The following PTPRZ1 variants were observed in gnomAD, a reference collection of about 807,000 sequenced individuals.
PTPRZ1 encodes the protein receptor-type tyrosine-protein phosphatase zeta.
PTPRZ1 carries 82 observed loss-of-function variants against 214.1 expected under a neutral mutation model. That is an observed-to-expected ratio of 0.38 (90% CI 0.32 to 0.46). The LOEUF is 0.46. Among genes scored for constraint, PTPRZ1 ranks in the 20% least tolerant of loss-of-function variants. The probability of loss-of-function intolerance (pLI) is 1.00; values close to 1 mark genes in which losing one functional copy is unlikely to be tolerated. For missense variants in PTPRZ1, 2,603 were observed against 2,748.7 expected, an observed-to-expected ratio of 0.95 and a Z score of 1.19; for synonymous variants, 945 against 987.9, an observed-to-expected ratio of 0.96 and a Z score of 0.81.
At chr7:121,885,715 A>T (rs1407352034) in intron 1 of PTPRZ1, among the ~76,000 whole-genome samples, 1 of 152,222 alleles carries the variant, frequency 6.6e-6, no homozygotes, top group Non-Finnish European at 1.5e-5. Flanking sequence ...CAAAATGCCC[A>T]TAAGAAAGTA....
chr7:121,965,236 T>G (rs1214915318), intron 2 of PTPRZ1, among the ~76,000 whole-genome samples: 1 of 152,142 alleles, frequency 6.6e-6, no homozygotes, highest in Non-Finnish European at 1.5e-5. Context: ...GTCTCACAAA[T>G]CTGAAATTAA....
rs1178911410 is a variant in PTPRZ1, at chr7:122,043,910, TTAAAA to T, written c.5938-507_5938-503del. Reference sequence around the variant, plus strand: ...CAAACCTGCACATGTACCCCTGAACTTAAAATAAACATTAAAAAATAACATTCTGG... The same window carrying T: ...CAAACCTGCACATGTACCCCTGAACTTAAACATTAAAAAATAACATTCTGG... On this transcript the variant is annotated intron_variant, in intron 22 of 29. Coordinates refer to ENST00000393386, the MANE Select transcript of PTPRZ1 (RefSeq NM_002851.3). Among the ~76,000 whole-genome samples, 4 of 152,186 alleles carry T rather than the reference TTAAAA, an allele frequency of 2.6e-5. No individual in the cohort carries two copies. In the East Asian group the frequency reaches 7.7e-4, roughly 29 times the overall value.
chr7:122,049,015 T>C (rs552338620), intron 23 of PTPRZ1, among the ~76,000 whole-genome samples: 140 of 151,996 alleles, frequency 9.2e-4, no homozygotes, highest in African/African-American at 3.3e-3. Flanking sequence ...GCAAGTAGAG[T>C]TTATAGGGTT....
At chr7:121,894,507 G>C (rs1198068529) in intron 1 of PTPRZ1, among the ~76,000 whole-genome samples, 3 of 152,140 alleles carry the variant, frequency 2.0e-5, no homozygotes, top group Non-Finnish European at 4.4e-5. Flanking sequence ...CCGGGCTCAA[G>C]TGATCCTCCC....
At chr7:122,060,095 A>G (rs1033792967) in intron 29 of PTPRZ1, among the ~76,000 whole-genome samples, 5 of 152,194 alleles carry the variant, frequency 3.3e-5, no homozygotes, top group Admixed American at 1.3e-4. Flanking sequence ...AAACTTTTAA[A>G]TCTCATGTTT....
At chr7:121,943,972 A>G (rs1563029777) in intron 2 of PTPRZ1, among the ~76,000 whole-genome samples, 1 of 152,246 alleles carries the variant, frequency 6.6e-6, no homozygotes, top group Non-Finnish European at 1.5e-5. Context: ...TGGATGAGGT[A>G]TATTGACATT....
intron 1 of PTPRZ1, among the ~76,000 whole-genome samples, chr7:121,912,921 A>G (rs1795319961): frequency 6.6e-6 from 1 of 152,122 alleles, no homozygotes; most frequent in Non-Finnish European, 1.5e-5. Context: ...TAAATGAATT[A>G]TGGGTGTCAG....
At chr7:122,054,173 C>A in intron 26 of PTPRZ1, 135 bp downstream of exon 26, 1 of 944,584 alleles carries the variant, frequency 1.1e-6, no homozygotes, top group Non-Finnish European at 1.5e-6. Flanking sequence ...AAGGCATACT[C>A]TTCTGCTGTT....
intron 1 of PTPRZ1, among the ~76,000 whole-genome samples, chr7:121,879,577 T>G (rs923040610): frequency 6.6e-6 from 1 of 152,170 alleles, no homozygotes; most frequent in Non-Finnish European, 1.5e-5. Flanking sequence ...GTCAATAGTT[T>G]TATCATTAAT....
At chr7:121,960,434 G>T (rs1360068492) in intron 2 of PTPRZ1, among the ~76,000 whole-genome samples, 1 of 152,014 alleles carries the variant, frequency 6.6e-6, no homozygotes, top group Non-Finnish European at 1.5e-5. Flanking sequence ...ACAATATCTT[G>T]ATCTTTAAAG....
rs761116781 is a variant in PTPRZ1 at position 121,983,956 on chromosome 7, C to CT, written c.778-4dup. On this transcript the variant is annotated splice_polypyrimidine_tract_variant and intron_variant, in intron 7 of 29. Transcript: ENST00000393386. ...AAGCAGATATGTTAAATTATTTGATCTTTTTTTCAGTTGGCTGTTTTTTGT... is the reference window on the plus strand; with the variant it reads ...AAGCAGATATGTTAAATTATTTGATCTTTTTTTTCAGTTGGCTGTTTTTTGT... 1.9e-5 allele frequency: 31 copies of CT among 1,609,232 alleles called. No homozygotes were observed. The African/African-American group carries it at 2.0e-4, about 10-fold the overall frequency.
chr7:121,892,290 A>T (rs1349568867), intron 1 of PTPRZ1, among the ~76,000 whole-genome samples: 5 of 152,150 alleles, frequency 3.3e-5, no homozygotes, highest in Non-Finnish European at 7.3e-5. Flanking sequence ...CTTACAAAAC[A>T]TATGGTCCCT....
rs138965004 is a variant in PTPRZ1 at position 121,875,306 on chromosome 7, T to C, written c.58+1749T>C. 4.6e-3 allele frequency among the ~76,000 whole-genome samples: 697 copies of C among 152,344 alleles called. 5 individuals are homozygous for C. Among genetic ancestry groups the C allele is most frequent in the African/African-American group, 0.016 (673 of 41,582 alleles). On this transcript the variant is annotated intron_variant, in intron 1 of 29. Transcript: ENST00000393386. Reference sequence around the variant, plus strand: ...CATATAAATAGAATCATGCAACTTGTGGCCTTTTCTGTCTGTCTTTGTTCA... The same window carrying C: ...CATATAAATAGAATCATGCAACTTGCGGCCTTTTCTGTCTGTCTTTGTTCA...
intron 1 of PTPRZ1, among the ~76,000 whole-genome samples, chr7:121,880,161 T>A (rs1794193287): frequency 6.6e-6 from 1 of 152,212 alleles, no homozygotes; most frequent in South Asian, 2.1e-4. Flanking sequence ...TTTCCCCTTC[T>A]GATATTTGCC....
Position 122,036,682 on chromosome 7 carries a change from T to G in PTPRZ1, c.5367T>G (p.Asp1789Glu), listed in dbSNP as rs771816158. ...LTDYINANYV[D>E]GYNRPKAYIA... Reference sequence around the variant, plus strand: ...ATTATATCAATGCCAATTATGTTGATGTAAGCATGTTTTAATTGAAAATTT... The same window carrying G: ...ATTATATCAATGCCAATTATGTTGAGGTAAGCATGTTTTAATTGAAAATTT... The change falls in exon 18 of 30, where the codon GAT becomes GAG. Residue 1789 changes from aspartate to glutamate, a missense_variant and splice_region_variant. Asp to Glu is a conservative substitution (Grantham distance 45). Around this residue, in one of 6 missense-constraint regions of PTPRZ1, gnomAD observed 1,913 missense variants for 1,914.3 expected, o/e 1.00. Coordinates refer to ENST00000393386, the MANE Select transcript of PTPRZ1 (RefSeq NM_002851.3). 16 of 1,590,544 alleles carry G rather than the reference T, an allele frequency of 1.0e-5. No individual in the cohort carries two copies. Among genetic ancestry groups the G allele is most frequent in the Non-Finnish European group, 1.3e-5 (15 of 1,159,178 alleles).
At chr7:122,008,249 A>G (rs1229319299) in intron 11 of PTPRZ1, among the ~76,000 whole-genome samples, 2 of 152,154 alleles carry the variant, frequency 1.3e-5, no homozygotes, top group African/African-American at 4.8e-5. Context: ...AATGGATGAC[A>G]TATCTTTGGG....
rs368909644 is a variant in PTPRZ1 at position 122,012,089 on chromosome 7, G to A, written c.3043G>A (p.Ala1015Thr). 5 of 1,614,098 alleles carry A rather than the reference G, an allele frequency of 3.1e-6. No individual in the cohort carries two copies. Among genetic ancestry groups the A allele is most frequent in the African/African-American group, 2.7e-5 (2 of 75,050 alleles). The change falls in exon 12 of 30, where the codon GCC (alanine) becomes ACC (threonine). Residue 1015 changes from alanine (A) to threonine (T), a missense_variant. By Grantham distance (58) the Ala-to-Thr change is moderately conservative. Transcript: ENST00000393386. Reference protein sequence around the residue: ...FLLPDTDGLTALNISSPVSVA... With the variant: ...FLLPDTDGLTTLNISSPVSVA... The stretch of plus-strand genomic sequence containing the variant: ...TTTACCTGACACAGATGGGCTGACA[G>A]CCCTTAACATTTCTTCACCTGTTTC...
Position 121,952,210 on chromosome 7 carries a change from G to A in PTPRZ1, c.125-15741G>A, listed in dbSNP as rs564080742. On this transcript the variant is annotated intron_variant, in intron 2 of 29. Coordinates refer to ENST00000393386, the MANE Select transcript of PTPRZ1 (RefSeq NM_002851.3). Reference sequence around the variant, plus strand: ...CCTGACCTCGTGATTGGCCGGCCTCGGCCTCCCAAAGTGCTGGGATTACAG... The same window carrying A: ...CCTGACCTCGTGATTGGCCGGCCTCAGCCTCCCAAAGTGCTGGGATTACAG... 1.1e-3 allele frequency among the ~76,000 whole-genome samples: 164 copies of A among 152,170 alleles called. 1 individual carries two copies. Among genetic ancestry groups the A allele is most frequent in the African/African-American group, 3.8e-3 (158 of 41,518 alleles).
At chr7:121,913,786 T>A (rs1286070732) in intron 1 of PTPRZ1, among the ~76,000 whole-genome samples, 1 of 152,042 alleles carries the variant, frequency 6.6e-6, no homozygotes, top group African/African-American at 2.4e-5. Context: ...TAAGATTGAG[T>A]GAAATTTCAA....
Sources: allele counts gnomAD v4.1 joint callset (sites outside exome capture counted in the v4.1 genomes callset), GRCh38; gene constraint gnomAD v4.1.1; regional missense constraint gnomAD v4.1.1; transcripts MANE v1.5; gene names NCBI Gene and HGNC (gene_info 2026-07-23, HGNC 2026-07-21).